Variants in SLC35F1 observed in about 807,000 individuals in gnomAD.
The protein encoded by SLC35F1 is chromosome 6 open reading frame 169.
In SLC35F1, 14 loss-of-function variants were observed where a neutral mutation model predicts 48.7. The observed-to-expected ratio is 0.29, with a 90% CI of 0.19 to 0.45. The LOEUF (loss-of-function observed/expected upper bound fraction) is 0.45, where lower values mean the gene tolerates loss of function less well. SLC35F1 is among the 20% of genes least tolerant of loss of function. SLC35F1 has a pLI of 1.00. For synonymous variants in SLC35F1, 190 were observed against 202.2 expected (o/e 0.94, Z 0.51); for missense variants, 404 against 500.0 (o/e 0.81, Z 1.83).
intron 1 of SLC35F1, among the ~76,000 whole-genome samples, chr6:117,931,527 A>G (rs773730322): frequency 5.3e-5 from 8 of 152,220 alleles, no homozygotes; most frequent in Non-Finnish European, 1.2e-4. Flanking sequence ...ATTCTCTTAT[A>G]GTTCAGTCAC....
chr6:118,102,714 C>T (rs981237382), intron 1 of SLC35F1, among the ~76,000 whole-genome samples: 12 of 152,222 alleles, frequency 7.9e-5, no homozygotes, highest in Admixed American at 6.5e-5. Flanking sequence ...TTCCTCCTCT[C>T]CTCCCTGAGT....
chr6:118,188,763 T>G (rs988449129), intron 2 of SLC35F1, among the ~76,000 whole-genome samples: 2 of 152,232 alleles, frequency 1.3e-5, no homozygotes, highest in African/African-American at 4.8e-5. Flanking sequence ...TTGGCTATTG[T>G]GCTTTGATGA....
intron 1 of SLC35F1, among the ~76,000 whole-genome samples, chr6:118,152,587 T>G (rs200214474): frequency 6.6e-6 from 1 of 152,178 alleles, no homozygotes; most frequent in East Asian, 1.9e-4. Context: ...GGATTTCTCT[T>G]TTTTCCACAT....
chr6:118,043,278 A>C (rs367898082), intron 1 of SLC35F1, among the ~76,000 whole-genome samples: 3 of 152,292 alleles, frequency 2.0e-5, no homozygotes, highest in Admixed American at 1.3e-4. Context: ...TTGAGTCCCC[A>C]TGCACCAATA....
intron 1 of SLC35F1, among the ~76,000 whole-genome samples, chr6:118,017,022 G>A (rs1777331322): frequency 6.6e-6 from 1 of 152,204 alleles, no homozygotes; most frequent in South Asian, 2.1e-4. Context: ...TGGGAGAATA[G>A]GATCTGCGGA....
chr6:118,218,033 T>C (rs970648277), intron 2 of SLC35F1, among the ~76,000 whole-genome samples: 4 of 152,208 alleles, frequency 2.6e-5, no homozygotes, highest in African/African-American at 9.6e-5. Flanking sequence ...ATGGATGGCC[T>C]GATCTTCATT....
intron 1 of SLC35F1, among the ~76,000 whole-genome samples, chr6:118,023,772 A>C (rs377672113): frequency 6.6e-6 from 1 of 152,154 alleles, no homozygotes; most frequent in Non-Finnish European, 1.5e-5. Context: ...TTTCTTATAA[A>C]CCTGGAGCCT....
intron 7 of SLC35F1, among the ~76,000 whole-genome samples, chr6:118,285,548 AG>A (rs1776038911): frequency 1.3e-5 from 2 of 152,246 alleles, no homozygotes; most frequent in South Asian, 4.1e-4. Flanking sequence ...GACAATTGAT[AG>A]GAAAAGATAA....
At chr6:117,963,938 T>TTACCTAG (rs1472749066) in intron 1 of SLC35F1, among the ~76,000 whole-genome samples, 3 of 152,216 alleles carry the variant, frequency 2.0e-5, no homozygotes, top group Non-Finnish European at 4.4e-5. Context: ...AAGCCCCACA[T>TTACCTAG]GCATTAAGTA....
chr6:117,956,752 C>T (rs996763592), intron 1 of SLC35F1, among the ~76,000 whole-genome samples: 1 of 152,116 alleles, frequency 6.6e-6, no homozygotes, highest in Non-Finnish European at 1.5e-5. Context: ...AGTAAGGCCC[C>T]TGTTGGTAGG....
chr6:118,122,164 G>A (rs549415344), intron 1 of SLC35F1, among the ~76,000 whole-genome samples: 1 of 151,562 alleles, frequency 6.6e-6, no homozygotes, highest in African/African-American at 2.4e-5. Context: ...GAAGAATTTA[G>A]CATGACATTT....
intron 1 of SLC35F1, among the ~76,000 whole-genome samples, chr6:117,939,627 C>A (rs935139895): frequency 2.6e-5 from 4 of 152,058 alleles, no homozygotes; most frequent in Non-Finnish European, 5.9e-5. Context: ...TGAAAAGTAC[C>A]AGTTAAAAAG....
chr6:118,184,701 T>C (rs1774632611), intron 2 of SLC35F1, among the ~76,000 whole-genome samples: 1 of 152,180 alleles, frequency 6.6e-6, no homozygotes, highest in African/African-American at 2.4e-5. Context: ...ATGGGTACTT[T>C]AGTGTGTGAT....
At chr6:118,214,776 T>C (rs1358543232) in intron 2 of SLC35F1, among the ~76,000 whole-genome samples, 1 of 151,920 alleles carries the variant, frequency 6.6e-6, no homozygotes, top group Non-Finnish European at 1.5e-5. Flanking sequence ...TTGTCTACAG[T>C]GGGGAAGGAA....
chr6:118,020,279 C>T (rs753307122), intron 1 of SLC35F1, among the ~76,000 whole-genome samples: 1 of 152,136 alleles, frequency 6.6e-6, no homozygotes, highest in African/African-American at 2.4e-5. Context: ...TATAGTGTCT[C>T]CAGTTCTGCT....
At chr6:118,286,805 T>TGTGTGTGTGTGTGTTTGTG (rs1562351393) in intron 7 of SLC35F1, among the ~76,000 whole-genome samples, 4 of 143,986 alleles carry the variant, frequency 2.8e-5, no homozygotes, top group African/African-American at 1.1e-4. Flanking sequence ...GTGTGTGTGT[T>TGTGTGTGTGTGTGTTTGTG]TGTGTGTGTG....
At chr6:118,019,780 G>A (rs990765877) in intron 1 of SLC35F1, among the ~76,000 whole-genome samples, 18 of 152,174 alleles carry the variant, frequency 1.2e-4, no homozygotes, top group African/African-American at 4.3e-4. Flanking sequence ...AGGGAAGAAA[G>A]AGAAACTTCT....
intron 1 of SLC35F1, among the ~76,000 whole-genome samples, chr6:118,002,398 C>G (rs1044964402): frequency 6.8e-6 from 1 of 147,464 alleles, no homozygotes; most frequent in South Asian, 2.1e-4. Context: ...GGGAACTGAA[C>G]AATGAGAACA....
chr6:118,066,899 C>G (rs893264083), intron 1 of SLC35F1, among the ~76,000 whole-genome samples: 3 of 151,962 alleles, frequency 2.0e-5, no homozygotes, highest in Admixed American at 6.6e-5. Flanking sequence ...GACCATGACT[C>G]CTTCACCCCG....
Sources: allele counts gnomAD v4.1 joint callset (sites outside exome capture counted in the v4.1 genomes callset), GRCh38; gene constraint gnomAD v4.1.1; transcripts MANE v1.5; gene names NCBI Gene and HGNC (gene_info 2026-07-23, HGNC 2026-07-21).